The following MYDGF variants were observed in gnomAD, a reference collection of about 807,000 sequenced individuals.
MYDGF encodes the protein myeloid-derived growth factor.
In MYDGF, 29 loss-of-function variants were observed where a neutral mutation model predicts 24.2. The ratio of observed to expected loss-of-function variants is 1.20; its 90% CI spans 0.89 to 1.63. The LOEUF is 1.63. MYDGF is among the 40% of genes most tolerant of loss of function. The pLI is 0.00. For synonymous variants in MYDGF, 105 were observed against 102.5 expected (o/e 1.02, Z -0.15); for missense variants, 245 against 234.8 (o/e 1.04, Z -0.29).
chr19:4,663,376 CA>C (rs2088488415), intron 3 of MYDGF, among the ~76,000 whole-genome samples: 1 of 145,692 alleles, frequency 6.9e-6, no homozygotes, highest in Non-Finnish European at 1.5e-5. Context: ...CTACTCTCCC[CA>C]CCTACCCCAT....
chr19:4,670,034 T>A, intron 1 of MYDGF, 127 bp downstream of exon 1: 1 of 1,087,050 alleles, frequency 9.2e-7, no homozygotes, highest in Non-Finnish European at 1.2e-6. Flanking sequence ...ACCCTAACAA[T>A]CCGCACCCCT....
At chr19:4,666,124 C>T (rs1481015108) in intron 2 of MYDGF, among the ~76,000 whole-genome samples, 2 of 151,944 alleles carry the variant, frequency 1.3e-5, no homozygotes, top group African/African-American at 4.8e-5. Flanking sequence ...TCGAGACCAG[C>T]CTGGGCAACA....
chr19:4,660,425 G>T (rs1468207283), intron 4 of MYDGF, among the ~76,000 whole-genome samples: 8 of 152,130 alleles, frequency 5.3e-5, no homozygotes, highest in Admixed American at 5.2e-4. Flanking sequence ...GCCGCGCCTG[G>T]CCTGGAGAAG....
intron 5 of MYDGF, among the ~76,000 whole-genome samples, chr19:4,658,645 C>G (rs2088443832): frequency 6.6e-6 from 1 of 152,158 alleles, no homozygotes; most frequent in Non-Finnish European, 1.5e-5. Flanking sequence ...CGCCATGCAG[C>G]TGAATGTGGC....
chr19:4,667,405 G>A (rs2088530299), intron 2 of MYDGF, among the ~76,000 whole-genome samples: 1 of 152,138 alleles, frequency 6.6e-6, no homozygotes, highest in Non-Finnish European at 1.5e-5. Context: ...TGGGATTACA[G>A]GCATGAGCCA....
intron 2 of MYDGF, among the ~76,000 whole-genome samples, chr19:4,665,868 T>C (rs1185958509): frequency 1.4e-5 from 2 of 146,240 alleles, no homozygotes; most frequent in Admixed American, 1.4e-4. Context: ...CCATATCATT[T>C]ATGAAAAATA....
intron 2 of MYDGF, 137 bp from the exon 3 acceptor site, chr19:4,665,074 C>G: frequency 1.1e-6 from 1 of 908,432 alleles, no homozygotes. Context: ...AATCCCCTGC[C>G]CCGCCCTCCT....
rs939986671 is a variant in MYDGF at position 4,670,018 on chromosome 19, C to A, written c.174+143G>T. On this transcript the variant is annotated intron_variant, in intron 1 of 5. Coordinates refer to ENST00000262947, the MANE Select transcript of MYDGF (RefSeq NM_019107.4). ...TCACGGTCCCGCGCCCCCCACTCAG[C>A]CTCCGACCCTAACAATCCGCACCCC... 5.2e-6 allele frequency: 5 copies of A among 958,500 alleles called. No homozygotes were observed. The African/African-American group carries it at 8.6e-5, about 17-fold the overall frequency. 59.4% of individuals were successfully genotyped at this position (958,500 alleles called of 1,614,324 possible). A position where few individuals can be genotyped will look rare whatever the true frequency, so the allele number is the denominator to read the frequency against.
intron 1 of MYDGF, among the ~76,000 whole-genome samples, chr19:4,669,311 T>C (rs2088544919): frequency 6.6e-6 from 1 of 152,092 alleles, no homozygotes; most frequent in Non-Finnish European, 1.5e-5. Flanking sequence ...CCATCTGTAC[T>C]AAAAATACAA....
In MYDGF at chr19:4,668,614, G is replaced by C; in HGVS notation, c.206C>G (p.Ser69Cys). The C allele has an allele frequency of 6.2e-7, 1 of 1,613,218 alleles. No homozygotes were observed. The highest frequency in any genetic ancestry group is 8.5e-7 in the Non-Finnish European group (1 of 1,179,426). ...DKYTCMFTYA[S>C]QGGTNEQWQM... ...ACTCACCTCATTGGTCCCTCCTTGA[G>C]AGGCGTAAGTGAACATACACGTATA... Residue 69 changes from serine (S) to cysteine (C), a missense_variant, in exon 2 of 6, where the codon TCT becomes TGT. Transcript: ENST00000262947.
At chr19:4,668,452 T>C (rs560145893) in intron 2 of MYDGF, 143 bp downstream of exon 2, 1 of 643,318 alleles carries the variant, frequency 1.6e-6, no homozygotes, top group East Asian at 2.9e-5. Context: ...GCCAATACTC[T>C]CCCTTTTTAT....
intron 4 of MYDGF, 92 bp from the exon 5 acceptor site, chr19:4,660,095 T>A: frequency 8.1e-7 from 1 of 1,238,878 alleles, no homozygotes. Flanking sequence ...AAGCACAGAC[T>A]AAAGCTTTCT....
rs535413356 is a variant in MYDGF at position 4,665,077 on chromosome 19, G to A, written c.226-140C>T. The stretch of plus-strand genomic sequence containing the variant: ...GGCTGGCCACTAAATCCCCTGCCCC[G>A]CCCTCCTGGTGGCCTGGGGTTTGCT... On this transcript the variant is annotated intron_variant, in intron 2 of 5. Coordinates refer to ENST00000262947, the MANE Select transcript of MYDGF (RefSeq NM_019107.4). 399 of 883,898 alleles carry A rather than the reference G, an allele frequency of 4.5e-4. 6 individuals are homozygous for A. The highest frequency in any genetic ancestry group is 4.1e-3 in the South Asian group (231 of 56,986). The allele number at this position is 883,898 out of a possible 1,614,324, so 54.8% of individuals were successfully genotyped here.
chr19:4,667,737 T>G (rs950848134), intron 2 of MYDGF, among the ~76,000 whole-genome samples: 16 of 151,418 alleles, frequency 1.1e-4, no homozygotes, highest in East Asian at 7.8e-4. Context: ...TGAGACAGGG[T>G]CTTGCTCTGT....
At chr19:4,658,666 C>T (rs996145476) in intron 5 of MYDGF, among the ~76,000 whole-genome samples, 2 of 152,284 alleles carry the variant, frequency 1.3e-5, no homozygotes, top group African/African-American at 2.4e-5. Context: ...TTGAGGACAC[C>T]GGTGCTGCTC....
intron 4 of MYDGF, 136 bp from the exon 5 acceptor site, chr19:4,660,139 T>C: frequency 1.2e-6 from 1 of 843,756 alleles, no homozygotes. Flanking sequence ...GACTTTTTTG[T>C]TTTTGAGCCA....
At chr19:4,658,836 T>A (rs1182720088) in intron 5 of MYDGF, among the ~76,000 whole-genome samples, 1 of 152,202 alleles carries the variant, frequency 6.6e-6, no homozygotes, top group Admixed American at 6.5e-5. Flanking sequence ...AGAGTCTTCC[T>A]CTGTTGCCTA....
At chr19:4,668,532 G>C (rs1446543686) in intron 2 of MYDGF, 63 bp downstream of exon 2, 4 of 1,453,308 alleles carry the variant, frequency 2.8e-6, no homozygotes, top group Non-Finnish European at 3.9e-6. Flanking sequence ...GTCTGCTACA[G>C]AACATCTCCC....
chr19:4,658,434 G>A (rs2088441299), intron 5 of MYDGF, among the ~76,000 whole-genome samples: 1 of 152,194 alleles, frequency 6.6e-6, no homozygotes, highest in Admixed American at 6.5e-5. Context: ...TGAACAGGAT[G>A]CAGGGTGGGT....
Sources: gnomAD v4.1 joint callset for allele counts (sites outside exome capture counted in the v4.1 genomes callset) on GRCh38, gnomAD v4.1.1 for gene constraint, MANE v1.5 for transcripts, NCBI Gene and HGNC (gene_info 2026-07-23, HGNC 2026-07-21) for gene names.